The following LAMTOR5 variants were observed in gnomAD, a reference collection of about 807,000 sequenced individuals.
The protein encoded by LAMTOR5 is late endosomal/lysosomal adaptor, MAPK and MTOR activator 5.
LAMTOR5 carries 8 observed loss-of-function variants against 12.1 expected under a neutral mutation model. The ratio of observed to expected loss-of-function variants is 0.66; its 90% CI spans 0.39 to 1.19. The LOEUF is 1.19. LAMTOR5 is among the 50% of genes most tolerant of loss of function. LAMTOR5 has a pLI of 0.01. For synonymous variants in LAMTOR5, 37 were observed against 41.9 expected (o/e 0.88, Z 0.45); for missense variants, 110 against 112.8 (o/e 0.97, Z 0.11).
chr1:110,402,865 G>A (rs907699817), intron 3 of LAMTOR5, among the ~76,000 whole-genome samples: 2 of 152,208 alleles, frequency 1.3e-5, no homozygotes, highest in Non-Finnish European at 1.5e-5. Context: ...TGTTTTAAGT[G>A]TTATTATAAA....
rs554321705 is a variant in LAMTOR5 at position 110,406,122 on chromosome 1, C to G, written c.97+196G>C. Among the ~76,000 whole-genome samples, 7 of 152,298 alleles carry G rather than the reference C, an allele frequency of 4.6e-5. No individual in the cohort carries two copies. The South Asian group carries it at 1.5e-3, about 32-fold the overall frequency. On this transcript the variant is annotated intron_variant, in intron 2 of 3. Coordinates refer to ENST00000602318, the MANE Select transcript of LAMTOR5 (RefSeq NM_001382293.1). ...TTTATTGTTATAGGACTGCAAGGAA[C>G]ATCTTCCTTCATAAATACCAACTGA...
At position 110,403,899 on chromosome 1, in the gene LAMTOR5, A is replaced by G; in HGVS notation, c.215+20T>C. ...AATTTTTCTGAACAAAAAGGAAAGG[A>G]TCTGCTGAAATCTACTCACCCATTA... On this transcript the variant is annotated intron_variant, in intron 3 of 3. Coordinates refer to ENST00000602318, the MANE Select transcript of LAMTOR5 (RefSeq NM_001382293.1). 1 of 1,611,614 alleles carries G rather than the reference A, an allele frequency of 6.2e-7. No individual in the cohort carries two copies. Among genetic ancestry groups the G allele is most frequent in the South Asian group, 1.1e-5 (1 of 90,588 alleles).
intron 1 of LAMTOR5, 41 bp from the exon 2 acceptor site, chr1:110,406,420 A>T: frequency 7.0e-7 from 1 of 1,425,086 alleles, no homozygotes; most frequent in Non-Finnish European, 9.8e-7. Context: ...ACATAATGGG[A>T]GAAAAAGGAT....
chr1:110,402,814 TAAA>T (rs550023549), intron 3 of LAMTOR5, among the ~76,000 whole-genome samples: 1 of 152,174 alleles, frequency 6.6e-6, no homozygotes, highest in Non-Finnish European at 1.5e-5. Context: ...GTCTAAAAAG[TAAA>T]AAAGTTTAAA....
rs1663366197 is a variant in LAMTOR5 at position 110,407,684 on chromosome 1, C to G, written c.-64G>C. The G allele has an allele frequency of 1.9e-6, 3 of 1,614,266 alleles. No individual in the cohort carries two copies. The highest frequency in any genetic ancestry group is 2.5e-6 in the Non-Finnish European group (3 of 1,180,046). On this transcript the variant is annotated 5_prime_UTR_variant, in exon 1 of 4. Coordinates refer to ENST00000602318, the MANE Select transcript of LAMTOR5 (RefSeq NM_001382293.1). Reference sequence around the variant, plus strand: ...CGGCACGTCCTTCTCCACCACAGGCCTCAGTCACTTGACGCGAGCGGGGCG... The same window carrying G: ...CGGCACGTCCTTCTCCACCACAGGCGTCAGTCACTTGACGCGAGCGGGGCG...
upstream of LAMTOR5, chr1:110,407,862 T>G (rs1469670129): frequency 6.2e-7 from 1 of 1,612,706 alleles, no homozygotes; most frequent in South Asian, 1.1e-5. Flanking sequence ...TGCACCTGGC[T>G]CCATGGCGGA....
intron 3 of LAMTOR5, chr1:110,403,702 C>G: frequency 1.9e-6 from 1 of 518,226 alleles, no homozygotes; most frequent in Non-Finnish European, 3.1e-6. Flanking sequence ...AAACTGATAG[C>G]TTCTGCCAAT....
chr1:110,406,408 GT>G lies in LAMTOR5; in HGVS notation c.36-30del, dbSNP rs1210795477. On this transcript the variant is annotated intron_variant, in intron 1 of 3. Coordinates refer to ENST00000602318, the MANE Select transcript of LAMTOR5 (RefSeq NM_001382293.1). ...ATTCCAGGAACACAAGAGAGTTGAA[GT>G]ACATAATGGGAGAAAAAGGATTTAA... 34 of 1,522,182 alleles carry G rather than the reference GT, an allele frequency of 2.2e-5. 1 individual carries two copies. The highest frequency in any genetic ancestry group is 3.4e-4 in the Middle Eastern group (2 of 5,900). The allele number at this position is 1,522,182 out of a possible 1,614,324, so 94.3% of individuals were successfully genotyped here.
chr1:110,407,244 C>T lies in LAMTOR5; in HGVS notation c.35+342G>A, dbSNP rs138419197. On this transcript the variant is annotated intron_variant, in intron 1 of 3. Coordinates refer to ENST00000602318, the MANE Select transcript of LAMTOR5 (RefSeq NM_001382293.1). ...CACTGCAGGGCTCGACACTGCACAA[C>T]TGGCACAATCTTCCCAAAAGTCAAC... 8.5e-4 allele frequency: 491 copies of T among 579,354 alleles called. 1 individual carries two copies. Among genetic ancestry groups the T allele is most frequent in the African/African-American group, 8.5e-3 (455 of 53,776 alleles). The allele number at this position is 579,354 out of a possible 1,614,324, so 35.9% of individuals were successfully genotyped here.
chr1:110,407,322 A>C (rs1314197301), intron 1 of LAMTOR5: 4 of 590,556 alleles, frequency 6.8e-6, no homozygotes, highest in Non-Finnish European at 1.2e-5. Context: ...CGATTTCAAC[A>C]ACGAGATAGG....
chr1:110,406,994 C>CT (rs1663344411), intron 1 of LAMTOR5: 2 of 683,820 alleles, frequency 2.9e-6, no homozygotes, highest in Non-Finnish European at 5.3e-6. Flanking sequence ...TGTTTTAGTA[C>CT]TAACTCATTT....
chr1:110,406,645 A>T (rs1371472103), intron 1 of LAMTOR5: 1 of 295,352 alleles, frequency 3.4e-6, no homozygotes, highest in African/African-American at 2.2e-5. Context: ...ACCAACATGG[A>T]GAAACCCCGT....
chr1:110,404,801 A>G (rs1663294912), intron 2 of LAMTOR5, among the ~76,000 whole-genome samples: 1 of 152,124 alleles, frequency 6.6e-6, no homozygotes, highest in South Asian at 2.1e-4. Flanking sequence ...GTAATCCCGC[A>G]CTTTGGGAGG....
rs1187012460 is a variant in LAMTOR5, at chr1:110,401,579, T to C, written c.220A>G (p.Ile74Val). ...ATGCCATCGTGTTTCTGGATCATAA[T>C]GTTCCTGAAATGCAGGAAGAAAATA... ...VVCLESDNGN[I>V]MIQKHDGITV... Residue 74 changes from isoleucine (I) to valine (V), a missense_variant, in exon 4 of 4, where the codon ATT (isoleucine) becomes GTT (valine). Coordinates refer to ENST00000602318, the MANE Select transcript of LAMTOR5 (RefSeq NM_001382293.1). 4 of 1,603,772 alleles carry C rather than the reference T, an allele frequency of 2.5e-6. No individual in the cohort carries two copies. Among genetic ancestry groups the C allele is most frequent in the South Asian group, 1.1e-5 (1 of 90,538 alleles).
intron 2 of LAMTOR5, among the ~76,000 whole-genome samples, chr1:110,404,545 T>C (rs927968537): frequency 1.3e-4 from 20 of 152,228 alleles, no homozygotes; most frequent in Admixed American, 1.3e-3. Context: ...CGATTACCTC[T>C]TTCAGTTACC....
chr1:110,403,155 A>C (rs1049668364), intron 3 of LAMTOR5, among the ~76,000 whole-genome samples: 1 of 152,212 alleles, frequency 6.6e-6, no homozygotes, highest in Non-Finnish European at 1.5e-5. Flanking sequence ...AAACTGCCTG[A>C]CACATTTCTC....
At position 110,401,315 on chromosome 1, in the gene LAMTOR5, C is replaced by T; in HGVS notation, c.*208G>A. On this transcript the variant is annotated 3_prime_UTR_variant, in exon 4 of 4. Transcript: ENST00000602318. Reference sequence around the variant, plus strand: ...CTATATACAAAGTGACCTGGACCTGCTGCTTCAAAACATGATCCTTTCTTA... The same window carrying T: ...CTATATACAAAGTGACCTGGACCTGTTGCTTCAAAACATGATCCTTTCTTA... 2.4e-6 allele frequency: 1 copy of T among 423,500 alleles called. No homozygotes were observed. Among genetic ancestry groups the T allele is most frequent in the Non-Finnish European group, 4.2e-6 (1 of 239,360 alleles). 26.2% of individuals were successfully genotyped at this position (423,500 alleles called of 1,614,324 possible).
chr1:110,403,851 C>T lies in LAMTOR5; in HGVS notation c.215+68G>A, dbSNP rs1209226049. On this transcript the variant is annotated intron_variant, in intron 3 of 3. Coordinates refer to ENST00000602318, the MANE Select transcript of LAMTOR5 (RefSeq NM_001382293.1). ...AAGGAATCACTGATGAACACAGGGC[C>T]GGCCCCCGCCAATTTTACCAGGAAT... is the stretch of plus-strand genomic sequence containing the variant. 1.1e-5 allele frequency: 17 copies of T among 1,591,478 alleles called. No homozygotes were observed. The East Asian group carries it at 1.4e-4, about 13-fold the overall frequency.
chr1:110,407,535 A>C, intron 1 of LAMTOR5, 51 bp downstream of exon 1: 1 of 1,588,912 alleles, frequency 6.3e-7, no homozygotes, highest in Non-Finnish European at 8.6e-7. Flanking sequence ...GTTCCGCTCA[A>C]GTTCCTCCGC....
Sources: gnomAD v4.1 joint callset for allele counts (sites outside exome capture counted in the v4.1 genomes callset) on GRCh38, gnomAD v4.1.1 for gene constraint, MANE v1.5 for transcripts, NCBI Gene and HGNC (gene_info 2026-07-23, HGNC 2026-07-21) for gene names.